LHFPL1: variants seen among roughly 807,000 people sequenced by gnomAD.
The protein encoded by LHFPL1 is LHFPL tetraspan subfamily member 1.
Under a neutral mutation model 12.1 loss-of-function variants are expected in LHFPL1, and 4 were observed. That is an observed-to-expected ratio of 0.33 (90% CI 0.16 to 0.76). LHFPL1 has a LOEUF of 0.76. LHFPL1 is among the 30% of genes least tolerant of loss of function. The probability of loss-of-function intolerance (pLI) is 0.61; values close to 1 mark genes in which losing one functional copy is unlikely to be tolerated. For synonymous variants in LHFPL1, 52 were observed against 61.9 expected (o/e 0.84, Z 0.75); for missense variants, 141 against 174.1 (o/e 0.81, Z 1.07).
rs150306049 is a variant in LHFPL1, at chrX:112,645,768, C to A, written c.482-14167G>T. Among the ~76,000 whole-genome samples the A allele has an allele frequency of 6.6e-3, 741 of 112,023 alleles. 9 individuals are homozygous for A. The highest frequency in any genetic ancestry group is 0.022 in the African/African-American group (675 of 30,879). Reference sequence around the variant, plus strand: ...CATTTGATGGCTGGAGTTCAATTAACAAGCAGCAAAGCATTTTTCTCAGCT... The same window carrying A: ...CATTTGATGGCTGGAGTTCAATTAAAAAGCAGCAAAGCATTTTTCTCAGCT... On this transcript the variant is annotated intron_variant, in intron 3 of 3. Coordinates refer to ENST00000371968, the MANE Select transcript of LHFPL1 (RefSeq NM_178175.4).
chrX:112,631,290 A>G lies in LHFPL1; in HGVS notation c.*130T>C, dbSNP rs189366364. On this transcript the variant is annotated 3_prime_UTR_variant, in exon 4 of 4. Coordinates refer to ENST00000371968, the MANE Select transcript of LHFPL1 (RefSeq NM_178175.4). ...TAAAGATAAGTGAAAATGAACGACA[A>G]TTAGTTTAAAAAGCATGCAAACACT... The G allele has an allele frequency of 4.8e-4, 248 of 516,095 alleles. 1 individual carries two copies. The African/African-American group carries it at 5.2e-3, about 11-fold the overall frequency. 42.5% of individuals were successfully genotyped at this position (516,095 alleles called of 1,213,427 possible).
intron 3 of LHFPL1, among the ~76,000 whole-genome samples, chrX:112,659,318 G>A (rs1240682461): frequency 9.0e-6 from 1 of 111,102 alleles, no homozygotes; most frequent in Non-Finnish European, 1.9e-5. Flanking sequence ...AAATTAGTTG[G>A]GCGTAGTGGC....
chrX:112,667,394 C>T (rs73534799), intron 2 of LHFPL1, among the ~76,000 whole-genome samples: 5,331 of 111,766 alleles, frequency 0.048, 326 homozygotes, highest in African/African-American at 0.16. Context: ...TTGTTGTGTA[C>T]ATCAGAATGG....
At chrX:112,640,238 C>T (rs1300862602) in intron 3 of LHFPL1, among the ~76,000 whole-genome samples, 1 of 110,831 alleles carries the variant, frequency 9.0e-6, no homozygotes, top group African/African-American at 3.3e-5. Context: ...GTGTGACAAG[C>T]GCTCCGATAT....
At chrX:112,678,485 C>T (rs1931715672) in intron 1 of LHFPL1, among the ~76,000 whole-genome samples, 1 of 111,837 alleles carries the variant, frequency 8.9e-6, no homozygotes, top group South Asian at 3.8e-4. Flanking sequence ...GCCCTAAACC[C>T]CAGCCCTGTT....
At chrX:112,666,807 A>C (rs1192216204) in intron 2 of LHFPL1, among the ~76,000 whole-genome samples, 1 of 111,639 alleles carries the variant, frequency 9.0e-6, no homozygotes, top group Non-Finnish European at 1.9e-5. Flanking sequence ...CACCCCAGGT[A>C]ATTCTTAATC....
intron 2 of LHFPL1, among the ~76,000 whole-genome samples, chrX:112,669,048 G>T (rs1463466438): frequency 8.9e-6 from 1 of 112,486 alleles, no homozygotes; most frequent in Non-Finnish European, 1.9e-5. Flanking sequence ...GGAAAAAGAG[G>T]AAAGGATGTG....
intron 3 of LHFPL1, among the ~76,000 whole-genome samples, chrX:112,645,646 C>T (rs1930663446): frequency 9.0e-6 from 1 of 111,568 alleles, no homozygotes; most frequent in Non-Finnish European, 1.9e-5. Context: ...CTATGCCCAA[C>T]CCTCTCTTTC....
chrX:112,661,600 G>A (rs1931188565), intron 2 of LHFPL1: 1 of 111,916 alleles, frequency 8.9e-6, no homozygotes, highest in South Asian at 3.7e-4. Context: ...CTGGCATGAA[G>A]AGGTGACCTG....
chrX:112,659,982 A>T (rs1460989610), intron 3 of LHFPL1, among the ~76,000 whole-genome samples: 1 of 112,194 alleles, frequency 8.9e-6, no homozygotes, highest in Non-Finnish European at 1.9e-5. Context: ...AGAATACCCA[A>T]GGAAACCTAG....
In LHFPL1 at chrX:112,631,511, C is replaced by T; in HGVS notation, c.572G>A (p.Gly191Glu). 8.3e-7 allele frequency: 1 copy of T among 1,210,657 alleles called. No homozygotes were observed. The highest frequency in any genetic ancestry group is 1.7e-5 in the African/African-American group (1 of 57,686). Residue 191 changes from glycine to glutamate, a missense_variant, in exon 4 of 4, where the codon GGA becomes GAA. Gly to Glu is a moderately conservative substitution (Grantham distance 98, BLOSUM62 -2). Transcript: ENST00000371968. ...CAATATGACAGGCTTGGGGTTTCTT[C>T]CAGCAAAGCAAGAGAGCCAGGTGCA... ...LICTWLSCFA[G>E]RNPKPVILVE...
At chrX:112,665,201 T>C (rs1244978476) in intron 2 of LHFPL1, among the ~76,000 whole-genome samples, 2 of 107,452 alleles carry the variant, frequency 1.9e-5, no homozygotes, top group Non-Finnish European at 3.9e-5. Context: ...TTTTTTTTCC[T>C]TTTTTTTGAG....
At chrX:112,660,507 G>A (rs1031279722) in intron 3 of LHFPL1, 120 bp downstream of exon 3, 1 of 556,828 alleles carries the variant, frequency 1.8e-6, no homozygotes, top group Non-Finnish European at 3.0e-6. Context: ...CTTCCCATAA[G>A]CTAACACAGT....
intron 3 of LHFPL1, among the ~76,000 whole-genome samples, chrX:112,633,452 T>G (rs1291309489): frequency 8.9e-6 from 1 of 112,625 alleles, no homozygotes; most frequent in Non-Finnish European, 1.9e-5. Flanking sequence ...GCATATACTT[T>G]CCACTACTTT....
intron 3 of LHFPL1, among the ~76,000 whole-genome samples, chrX:112,633,436 G>A (rs917202904): frequency 2.7e-5 from 3 of 112,417 alleles, no homozygotes; most frequent in Admixed American, 9.4e-5. Flanking sequence ...GCATGTGCAC[G>A]TGTACGCATA....
rs757781734 is a variant in LHFPL1, at chrX:112,671,201, C to T, written c.190G>A (p.Val64Met). ...CTGGCATAGCGCCCACATTCTTCCA[C>T]CATGATCAGACTGTGTCCCTCTCCC... The part of the protein sequence containing the change: ...VRGEGHSLIM[V>M]EECGRYASFN... The change falls in exon 2 of 4, where the codon GTG becomes ATG. Residue 64 changes from valine to methionine, a missense_variant. Val to Met is a conservative substitution (Grantham distance 21, BLOSUM62 1). Coordinates refer to ENST00000371968, the MANE Select transcript of LHFPL1 (RefSeq NM_178175.4). 2.1e-5 allele frequency: 25 copies of T among 1,210,512 alleles called. No homozygotes were observed. Among genetic ancestry groups the T allele is most frequent in the Non-Finnish European group, 2.7e-5 (24 of 895,217 alleles).
intron 2 of LHFPL1, among the ~76,000 whole-genome samples, chrX:112,668,218 A>G (rs1401139327): frequency 3.6e-5 from 4 of 111,886 alleles, no homozygotes; most frequent in Non-Finnish European, 7.5e-5. Flanking sequence ...GTTTCCTTCC[A>G]CTGGCAAAGC....
At chrX:112,651,417 T>C (rs1338130527) in intron 3 of LHFPL1, among the ~76,000 whole-genome samples, 1 of 112,015 alleles carries the variant, frequency 8.9e-6, no homozygotes, top group African/African-American at 3.2e-5. Flanking sequence ...AAACATCATC[T>C]ATGTACTAAG....
At chrX:112,678,977 A>C (rs1380774604) in intron 1 of LHFPL1, among the ~76,000 whole-genome samples, 3 of 112,001 alleles carry the variant, frequency 2.7e-5, no homozygotes, top group Non-Finnish European at 3.8e-5. Flanking sequence ...ATTAAGCATA[A>C]AATTCAAGTG....
Sources: allele counts gnomAD v4.1 joint callset (sites outside exome capture counted in the v4.1 genomes callset), GRCh38; gene constraint gnomAD v4.1.1; transcripts MANE v1.5; gene names NCBI Gene and HGNC (gene_info 2026-07-23, HGNC 2026-07-21).